MLLT3: variants seen among roughly 807,000 people sequenced by gnomAD.
MLLT3 encodes MLLT3 super elongation complex subunit.
In MLLT3, 4 loss-of-function variants were observed where a neutral mutation model predicts 53.2. The ratio of observed to expected loss-of-function variants is 0.08; its 90% CI spans 0.04 to 0.17. The LOEUF is 0.17. Among genes scored for constraint, MLLT3 ranks in the 10% least tolerant of loss-of-function variants. MLLT3 has a pLI of 1.00. For missense variants in MLLT3, 569 were observed against 684.0 expected, an observed-to-expected ratio of 0.83 and a Z score of 1.87; for synonymous variants, 283 against 230.6, an observed-to-expected ratio of 1.23 and a Z score of -2.06.
chr9:20,497,195 T>C (rs1825099489), intron 2 of MLLT3, among the ~76,000 whole-genome samples: 1 of 152,198 alleles, frequency 6.6e-6, no homozygotes, highest in African/African-American at 2.4e-5. Flanking sequence ...TGACAGACAG[T>C]AGAATATGGC....
intron 2 of MLLT3, among the ~76,000 whole-genome samples, chr9:20,566,295 T>A (rs945969543): frequency 6.6e-6 from 1 of 151,292 alleles, no homozygotes; most frequent in Non-Finnish European, 1.5e-5. Flanking sequence ...AGAGTGAGAC[T>A]CCATCTCAAA....
Position 20,620,945 on chromosome 9 carries a change from A to C in MLLT3, c.13-111T>G. 858 of 1,113,232 alleles carry C rather than the reference A, an allele frequency of 7.7e-4. No individual in the cohort carries two copies. The highest frequency in any genetic ancestry group is 2.2e-3 in the East Asian group (82 of 36,662). The allele number at this position is 1,113,232 out of a possible 1,614,324, so 69.0% of individuals were successfully genotyped here. ...CCTTCTTGAAACGCACATAAAAGGAAACGGCGGTGCCCTCTGCATCCACGT... is the reference window on the plus strand; with the variant it reads ...CCTTCTTGAAACGCACATAAAAGGACACGGCGGTGCCCTCTGCATCCACGT... On this transcript the variant is annotated intron_variant, in intron 1 of 10. Transcript: ENST00000380338. This position sits in a 1 kb window ranked among gnomAD's most constrained non-coding sequence, Gnocchi z 6.1.
Position 20,448,378 on chromosome 9 carries a change from G to GAGGA in MLLT3, c.277-113_277-112insTCCT. 1.1e-6 allele frequency: 1 copy of GAGGA among 907,600 alleles called. No individual in the cohort carries two copies. Among genetic ancestry groups the GAGGA allele is most frequent in the Non-Finnish European group, 1.6e-6 (1 of 608,726 alleles). 56.2% of individuals were successfully genotyped at this position (907,600 alleles called of 1,614,324 possible). A position where few individuals can be genotyped will look rare whatever the true frequency, so the allele number is the denominator to read the frequency against. ...TAGAAAAGAACTAAGACATCTAACA[G>GAGGA]CTAAACTGTCAAAGTAGTACTGGGA... is the stretch of plus-strand genomic sequence containing the variant. On this transcript the variant is annotated intron_variant, in intron 3 of 10. Coordinates refer to ENST00000380338, the MANE Select transcript of MLLT3 (RefSeq NM_004529.4). The surrounding 1 kb of genome is among the most constrained non-coding windows in gnomAD (Gnocchi z 4.0).
At chr9:20,474,674 G>C (rs1456241418) in intron 2 of MLLT3, among the ~76,000 whole-genome samples, 2 of 151,852 alleles carry the variant, frequency 1.3e-5, no homozygotes, top group African/African-American at 4.8e-5. Context: ...TAAGCAGTTT[G>C]ACCAACGAGG....
At chr9:20,549,381 TAAC>T (rs1262039060) in intron 2 of MLLT3, among the ~76,000 whole-genome samples, 5 of 152,194 alleles carry the variant, frequency 3.3e-5, no homozygotes, top group Admixed American at 2.6e-4. Context: ...GCATGGTTTA[TAAC>T]AACAACAACG....
intron 5 of MLLT3, among the ~76,000 whole-genome samples, chr9:20,410,139 C>T (rs1466186998): frequency 6.6e-6 from 1 of 151,976 alleles, no homozygotes; most frequent in Admixed American, 6.6e-5. Flanking sequence ...AAATTCAGAG[C>T]AAAGTGACAA....
intron 2 of MLLT3, among the ~76,000 whole-genome samples, chr9:20,540,273 C>T (rs1297632870): frequency 1.3e-5 from 2 of 152,236 alleles, no homozygotes; most frequent in Non-Finnish European, 2.9e-5. Context: ...CTCACAGCTC[C>T]ACTAGGCAGT....
rs181815451 is a variant in MLLT3, at chr9:20,406,795, T to C, written c.1125+6926A>G. Among the ~76,000 whole-genome samples the C allele has an allele frequency of 9.2e-5, 14 of 152,360 alleles. No individual in the cohort carries two copies. The East Asian group carries it at 1.5e-3, about 17-fold the overall frequency. ...CCTCTATATTTTCAGAATTCAAAGA[T>C]AAAAGTGTTGTCTTCAAACATTTTA... is the stretch of plus-strand genomic sequence containing the variant. On this transcript the variant is annotated intron_variant, in intron 5 of 10. Transcript: ENST00000380338.
chr9:20,593,941 A>ATTTTTT (rs35062068), intron 2 of MLLT3, among the ~76,000 whole-genome samples: 1 of 141,976 alleles, frequency 7.0e-6, no homozygotes. Context: ...CAATGTTCTC[A>ATTTTTT]TTTTTTTTTT....
intron 6 of MLLT3, among the ~76,000 whole-genome samples, chr9:20,364,228 T>C (rs1821394719): frequency 6.6e-6 from 1 of 152,136 alleles, no homozygotes; most frequent in African/African-American, 2.4e-5. Context: ...ACTGGCACAA[T>C]ACCAGCATGT....
chr9:20,502,096 G>T (rs1202267386), intron 2 of MLLT3, among the ~76,000 whole-genome samples: 3 of 125,016 alleles, frequency 2.4e-5, no homozygotes, highest in Admixed American at 7.9e-5. Flanking sequence ...AAAAAAAAGG[G>T]GGGGGGGGGG....
rs370518380 is a variant in MLLT3, at chr9:20,390,377, A to G, written c.1125+23344T>C. ...AAAGTAGCACTAATGTAAAATGAAG[A>G]TGGATCTACAATTGTATAAAGATCA... On this transcript the variant is annotated intron_variant, in intron 5 of 10. Coordinates refer to ENST00000380338, the MANE Select transcript of MLLT3 (RefSeq NM_004529.4). 7.9e-5 allele frequency among the ~76,000 whole-genome samples: 12 copies of G among 152,334 alleles called. No individual in the cohort carries two copies. The East Asian group carries it at 1.5e-3, about 20-fold the overall frequency.
At chr9:20,436,123 G>GATT (rs1823396148) in intron 4 of MLLT3, among the ~76,000 whole-genome samples, 1 of 152,182 alleles carries the variant, frequency 6.6e-6, no homozygotes, top group Non-Finnish European at 1.5e-5. Flanking sequence ...AACCCTGGTA[G>GATT]ATTACAGTTA....
intron 4 of MLLT3, among the ~76,000 whole-genome samples, chr9:20,432,603 C>T (rs933946213): frequency 1.1e-4 from 16 of 152,020 alleles, no homozygotes; most frequent in Middle Eastern, 6.8e-3. Context: ...GGGGAAAAAG[C>T]AGAGCTGTCC....
At chr9:20,622,216 CT>C in intron 1 of MLLT3, 28 bp downstream of exon 1, 1 of 1,596,290 alleles carries the variant, frequency 6.3e-7, no homozygotes, top group East Asian at 2.3e-5. Context: ...TGGGGGAGGG[CT>C]TTTATTATTA....
intron 2 of MLLT3, among the ~76,000 whole-genome samples, chr9:20,502,908 A>G (rs1284833929): frequency 6.6e-6 from 1 of 152,240 alleles, no homozygotes; most frequent in Non-Finnish European, 1.5e-5. Flanking sequence ...TATGCTAACA[A>G]TGAGCTATCT....
At chr9:20,522,483 G>C (rs1007393827) in intron 2 of MLLT3, among the ~76,000 whole-genome samples, 2 of 151,906 alleles carry the variant, frequency 1.3e-5, no homozygotes, top group East Asian at 3.9e-4. Context: ...TAATCTCTTA[G>C]AACATATAAT....
intron 4 of MLLT3, among the ~76,000 whole-genome samples, chr9:20,435,122 G>T (rs1823369981): frequency 6.6e-6 from 1 of 152,168 alleles, no homozygotes. Flanking sequence ...CCCACTAAAA[G>T]AAGCAGATGT....
rs117737231 is a variant in MLLT3, at chr9:20,514,040, G to A, written c.194-57254C>T. Among the ~76,000 whole-genome samples, 192 of 152,104 alleles carry A rather than the reference G, an allele frequency of 1.3e-3. 2 individuals are homozygous for A. The East Asian group carries it at 0.033, about 26-fold the overall frequency. On this transcript the variant is annotated intron_variant, in intron 2 of 10. Coordinates refer to ENST00000380338, the MANE Select transcript of MLLT3 (RefSeq NM_004529.4). Reference sequence around the variant, plus strand: ...GGGGTAGTAGGGAAAGACACCAGTGGGTAGGTGGTCCTCTCCCCTAGGGAG... The same window carrying A: ...GGGGTAGTAGGGAAAGACACCAGTGAGTAGGTGGTCCTCTCCCCTAGGGAG...
Sources: allele counts gnomAD v4.1 joint callset (sites outside exome capture counted in the v4.1 genomes callset), GRCh38; gene constraint gnomAD v4.1.1; non-coding constraint Gnocchi (gnomAD v3.1); transcripts MANE v1.5; gene names NCBI Gene and HGNC (gene_info 2026-07-23, HGNC 2026-07-21).